NPC1L1: variants seen among roughly 807,000 people sequenced by gnomAD.
The protein encoded by NPC1L1 is NPC1 like intracellular cholesterol transporter 1.
In NPC1L1, 98 loss-of-function variants were observed where a neutral mutation model predicts 117.0. That is an observed-to-expected ratio of 0.84 (90% CI 0.71 to 0.99). NPC1L1 has a LOEUF of 0.99. Among genes scored for constraint, NPC1L1 ranks in the 50% least tolerant of loss-of-function variants. The pLI is 0.00. For synonymous variants in NPC1L1, 729 were observed against 727.6 expected (o/e 1.00, Z -0.03); for missense variants, 1,540 against 1,710.0 (o/e 0.90, Z 1.75).
intron 12 of NPC1L1, 89 bp from the exon 13 acceptor site, chr7:44,521,207 G>A: frequency 6.4e-7 from 1 of 1,573,920 alleles, no homozygotes; most frequent in Non-Finnish European, 8.7e-7. Flanking sequence ...TCCCATCAAA[G>A]GTCCTGGGCA....
intron 2 of NPC1L1, among the ~76,000 whole-genome samples, chr7:44,537,183 G>A (rs1056174140): frequency 3.5e-4 from 54 of 152,196 alleles, no homozygotes; most frequent in Admixed American, 3.1e-3. Context: ...CCCCACCCAC[G>A]GAGTGAGTTG....
rs187597876 is a variant in NPC1L1 at position 44,526,528 on chromosome 7, G to T, written c.2638-4286C>A. 4.5e-5 allele frequency among the ~76,000 whole-genome samples: 6 copies of T among 134,380 alleles called. No homozygotes were observed. In the East Asian group the frequency reaches 1.1e-3, roughly 25 times the overall value. The allele number at this position is 134,380 out of a possible 152,430, so 88.2% of individuals were successfully genotyped here. On this transcript the variant is annotated intron_variant, in intron 10 of 18. Transcript: ENST00000381160. Reference sequence around the variant, plus strand: ...CACACCACCGCACTCCAATCTGGGTGACAGTGAGACTCCATCTCAAAAAAA... The same window carrying T: ...CACACCACCGCACTCCAATCTGGGTTACAGTGAGACTCCATCTCAAAAAAA...
chr7:44,538,836 G>C lies in NPC1L1; in HGVS notation c.1561C>G (p.His521Asp). The change falls in exon 2 of 19, where the codon CAT (histidine) becomes GAT (aspartate). Residue 521 changes from histidine (H) to aspartate (D), a missense_variant. This residue lies in a region of NPC1L1 where 793 missense variants were observed against 820.4 expected (regional missense o/e 0.97). Coordinates refer to ENST00000381160, the MANE Select transcript of NPC1L1 (RefSeq NM_001101648.2). This position sits in a 1 kb window ranked among gnomAD's most constrained non-coding sequence, Gnocchi z 5.9. Reference sequence around the variant, plus strand: ...ACTCACTTGGCACAGTACAGAAAATGGTCCTTCCAGTCGACTTGGGAGGTC... The same window carrying C: ...ACTCACTTGGCACAGTACAGAAAATCGTCCTTCCAGTCGACTTGGGAGGTC... ...GQTSQVDWKD[H>D]FLYCANAPLT... 1 of 1,614,162 alleles carries C rather than the reference G, an allele frequency of 6.2e-7. No individual in the cohort carries two copies. Among genetic ancestry groups the C allele is most frequent in the Non-Finnish European group, 8.5e-7 (1 of 1,180,024 alleles).
intron 18 of NPC1L1, 92 bp from the exon 19 acceptor site, chr7:44,513,741 G>A: frequency 7.1e-7 from 1 of 1,410,278 alleles, no homozygotes; most frequent in African/African-American, 1.4e-5. Context: ...CCCAGGGCAG[G>A]AAGGGTCCCA....
intron 16 of NPC1L1, among the ~76,000 whole-genome samples, 185 bp from the exon 17 acceptor site, chr7:44,516,382 T>C (rs1369886702): frequency 6.6e-6 from 1 of 151,940 alleles, no homozygotes; most frequent in Non-Finnish European, 1.5e-5. Flanking sequence ...GGTGAGAGGA[T>C]CACTTGAGCC....
chr7:44,530,065 C>T (rs540306376), intron 10 of NPC1L1, among the ~76,000 whole-genome samples: 22 of 149,230 alleles, frequency 1.5e-4, no homozygotes, highest in South Asian at 1.1e-3. Context: ...AGGCCAGGTG[C>T]GGTGGCTCAC....
At chr7:44,515,568 A>G (rs1801157789) in intron 18 of NPC1L1, among the ~76,000 whole-genome samples, 1 of 152,190 alleles carries the variant, frequency 6.6e-6, no homozygotes, top group African/African-American at 2.4e-5. Context: ...CACAGTGTAC[A>G]GGGCCACAGA....
chr7:44,535,870 C>T lies in NPC1L1; in HGVS notation c.1953G>A (p.Leu651=), dbSNP rs1801871286. The T allele has an allele frequency of 1.2e-6, 2 of 1,613,304 alleles. No homozygotes were observed. Among genetic ancestry groups the T allele is most frequent in the Non-Finnish European group, 1.7e-6 (2 of 1,180,022 alleles). ...CTCGGCTCCAGCTGGAATAGCTGCC[C>T]AGGGCCAGAGAGATGTACAGGAATA... The part of the protein sequence containing the change: ...IVIFLYISLA[L]GSYSSWSRVM... Residue 651 remains leucine, a synonymous_variant, in exon 5 of 19, where the codon CTG becomes CTA. Transcript: ENST00000381160.
chr7:44,535,652 G>T (rs1006947694), intron 5 of NPC1L1, among the ~76,000 whole-genome samples, 188 bp downstream of exon 5: 2 of 152,218 alleles, frequency 1.3e-5, no homozygotes, highest in Non-Finnish European at 2.9e-5. Flanking sequence ...GAAAGGAAAA[G>T]AAAAGAAAAT....
intron 14 of NPC1L1, among the ~76,000 whole-genome samples, chr7:44,520,314 TG>T (rs1454810499): frequency 6.6e-6 from 1 of 151,804 alleles, no homozygotes; most frequent in Non-Finnish European, 1.5e-5. Context: ...TACTGTTGCC[TG>T]GGCTGGTCTC....
At chr7:44,527,452 A>G (rs2117047149) in intron 10 of NPC1L1, among the ~76,000 whole-genome samples, 1 of 146,162 alleles carries the variant, frequency 6.8e-6, no homozygotes, top group African/African-American at 2.5e-5. Context: ...CAAGAGCAAA[A>G]CAACTTCTCA....
Position 44,540,259 on chromosome 7 carries a change from A to T in NPC1L1, c.138T>A (p.Ser46=), listed in dbSNP as rs1585155454. The T allele has an allele frequency of 1.2e-6, 2 of 1,613,964 alleles. No homozygotes were observed. The highest frequency in any genetic ancestry group is 1.7e-5 in the Admixed American group (1 of 60,010). The change falls in exon 2 of 19, where the codon TCT becomes TCA. Residue 46 remains serine, a synonymous_variant. Coordinates refer to ENST00000381160, the MANE Select transcript of NPC1L1 (RefSeq NM_001101648.2). ...CGTTGGAGAGTGTCATGAGGCTTCC[A>T]GACAGCTCTGGGTTCTTCCCACATT... is the stretch of plus-strand genomic sequence containing the variant. ...YDECGKNPEL[S]GSLMTLSNVS...
chr7:44,521,440 C>T (rs1018916820), intron 12 of NPC1L1, among the ~76,000 whole-genome samples: 7 of 152,236 alleles, frequency 4.6e-5, no homozygotes, highest in African/African-American at 1.7e-4. Flanking sequence ...TGACTCCCCA[C>T]TGCCCTGCCA....
Position 44,513,596 on chromosome 7 carries a change from C to T in NPC1L1, c.3850G>A (p.Val1284Met). The T allele has an allele frequency of 1.2e-6, 2 of 1,613,898 alleles. No individual in the cohort carries two copies. The highest frequency in any genetic ancestry group is 1.1e-5 in the South Asian group (1 of 91,058). ...CAAGAGGCCACCATGACTGCTGCCA[C>T]CGCCTCCTCAGCCCGCTTCTGCTCC... ...ALEQKRAEEA[V>M]AAVMVASCPN... The change falls in exon 19 of 19, where the codon GTG (valine) becomes ATG (methionine). Residue 1284 changes from valine (V) to methionine (M), a missense_variant. Physicochemically the swap from Val to Met is conservative, Grantham distance 21 (BLOSUM62 1). Coordinates refer to ENST00000381160, the MANE Select transcript of NPC1L1 (RefSeq NM_001101648.2).
At chr7:44,540,463 G>T in intron 1 of NPC1L1, 121 bp from the exon 2 acceptor site, 1 of 876,468 alleles carries the variant, frequency 1.1e-6, no homozygotes, top group Non-Finnish European at 1.8e-6. Flanking sequence ...GAAGCGGGGA[G>T]TGTGGGGAGT....
rs193251562 is a variant in NPC1L1, at chr7:44,536,646, A to G, written c.1681+196T>C. ...CTTTGGGCCCAGGCAGAAAAACCAC[A>G]GTGCCTGAGTAACACTACTAGAAGA... On this transcript the variant is annotated intron_variant, in intron 3 of 18. Transcript: ENST00000381160. The surrounding 1 kb of genome is among the most constrained non-coding windows in gnomAD (Gnocchi z 4.7). Among the ~76,000 whole-genome samples, 1 of 152,214 alleles carries G rather than the reference A, an allele frequency of 6.6e-6. No homozygotes were observed. Among genetic ancestry groups the G allele is most frequent in the Admixed American group, 6.5e-5 (1 of 15,294 alleles).
chr7:44,516,054 G>A, intron 17 of NPC1L1, 30 bp downstream of exon 17: 2 of 1,599,772 alleles, frequency 1.3e-6, no homozygotes, highest in Non-Finnish European at 1.7e-6. Flanking sequence ...GTCGAGTGGG[G>A]CACAGGGTGG....
At position 44,517,338 on chromosome 7, in the gene NPC1L1, A is replaced by G. The variant is rs370142849; in HGVS notation, c.3156T>C (p.Tyr1052=). ...CCTGTGAGTTTTTCAGGGGCTTGTG[A>G]TAGGCCATGAACCTGGAGGCTGGAC... ...GQVLASRFMA[Y]HKPLKNSQDY... is the part of the protein sequence containing the mutation. Residue 1052 remains tyrosine, a synonymous_variant, in exon 15 of 19, where the codon TAT becomes TAC. Transcript: ENST00000381160. 31 of 1,613,006 alleles carry G rather than the reference A, an allele frequency of 1.9e-5. No homozygotes were observed. Among genetic ancestry groups the G allele is most frequent in the Non-Finnish European group, 2.1e-5 (25 of 1,180,034 alleles).
chr7:44,523,431 T>C (rs1299103197), intron 10 of NPC1L1, among the ~76,000 whole-genome samples: 1 of 152,100 alleles, frequency 6.6e-6, no homozygotes, highest in African/African-American at 2.4e-5. Context: ...CAGTAAATTG[T>C]GGTTAATTTC....
Sources: gnomAD v4.1 joint callset for allele counts (sites outside exome capture counted in the v4.1 genomes callset) on GRCh38, gnomAD v4.1.1 for gene constraint, gnomAD v4.1.1 regional missense constraint, Gnocchi (gnomAD v3.1) non-coding constraint, MANE v1.5 for transcripts, NCBI Gene and HGNC (gene_info 2026-07-23, HGNC 2026-07-21) for gene names.